Variants in IKZF1 observed in about 807,000 individuals in gnomAD.
The protein encoded by IKZF1 is IKAROS family zinc finger 1, also known as DNA-binding protein Ikaros.
A neutral mutation model predicts 51.7 loss-of-function variants in IKZF1; 10 were observed. The ratio of observed to expected loss-of-function variants is 0.19; its 90% CI spans 0.12 to 0.33. The LOEUF (loss-of-function observed/expected upper bound fraction) is 0.33. Ranked by LOEUF, IKZF1 falls within the 10% of genes least tolerant of loss-of-function variation. IKZF1 has a pLI of 1.00. For synonymous variants in IKZF1, 280 were observed against 282.3 expected, an observed-to-expected ratio of 0.99 and a Z score of 0.08; for missense variants, 484 against 707.5, an observed-to-expected ratio of 0.68 and a Z score of 3.58.
Position 50,319,035 on chromosome 7 carries a change from C to A in IKZF1, c.-14-13C>A. ...TTTTGCTTTAAACTAAAATCCCTTC[C>A]TCTCTTTCTCAGATAACCTGAGGAC... On this transcript the variant is annotated splice_polypyrimidine_tract_variant and intron_variant, in intron 1 of 7. Transcript: ENST00000331340. 1 of 1,595,870 alleles carries A rather than the reference C, an allele frequency of 6.3e-7. No individual in the cohort carries two copies. Among genetic ancestry groups the A allele is most frequent in the Non-Finnish European group, 8.6e-7 (1 of 1,164,580 alleles).
At chr7:50,396,086 G>A (rs551046390) in intron 7 of IKZF1, among the ~76,000 whole-genome samples, 16 of 152,128 alleles carry the variant, frequency 1.1e-4, no homozygotes, top group African/African-American at 3.6e-4. Context: ...CTGCCATTTT[G>A]TCTAGAGAGT....
chr7:50,345,776 G>A lies in IKZF1; in HGVS notation c.160+18019G>A, dbSNP rs986413057. Among the ~76,000 whole-genome samples, 6 of 152,170 alleles carry A rather than the reference G, an allele frequency of 3.9e-5. No homozygotes were observed. The East Asian group carries it at 5.8e-4, about 15-fold the overall frequency. ...CAATTCTGCCTGGTTTGTGGCTCAC[G>A]CCTGTAATCCCAGCACTTTGGGAGG... On this transcript the variant is annotated intron_variant, in intron 3 of 7. Transcript: ENST00000331340.
rs1397280949 is a variant in IKZF1, at chr7:50,319,246, T to G, written c.40+145T>G. 7.6e-5 allele frequency: 44 copies of G among 580,854 alleles called. No individual in the cohort carries two copies. In the Admixed American group the frequency reaches 1.1e-3, roughly 15 times the overall value. 36.0% of individuals were successfully genotyped at this position (580,854 alleles called of 1,614,324 possible). A position where few individuals can be genotyped will look rare whatever the true frequency, so the allele number is the denominator to read the frequency against. On this transcript the variant is annotated intron_variant, in intron 2 of 7. Transcript: ENST00000331340. ...ACCATGATGGAATTTGCCTGAGTGTTTCCTTCACCTGTTACAAATTATCTC... is the reference window on the plus strand; with the variant it reads ...ACCATGATGGAATTTGCCTGAGTGTGTCCTTCACCTGTTACAAATTATCTC...
chr7:50,380,169 A>G (rs1378294558), intron 4 of IKZF1, among the ~76,000 whole-genome samples: 1 of 152,142 alleles, frequency 6.6e-6, no homozygotes, highest in Non-Finnish European at 1.5e-5. Context: ...GCTTGAGTGG[A>G]GTGCTCTGTA....
chr7:50,381,177 G>T (rs1487226280), intron 4 of IKZF1, among the ~76,000 whole-genome samples: 1 of 152,196 alleles, frequency 6.6e-6, no homozygotes, highest in Non-Finnish European at 1.5e-5. Context: ...TAAATCTGGT[G>T]TGGATGTTAA....
chr7:50,372,427 G>A (rs1808986630), intron 3 of IKZF1, among the ~76,000 whole-genome samples: 1 of 152,188 alleles, frequency 6.6e-6, no homozygotes, highest in African/African-American at 2.4e-5. Context: ...TCATAACATG[G>A]CTTAGAAGTT....
chr7:50,356,962 C>T (rs576220625), intron 3 of IKZF1, among the ~76,000 whole-genome samples: 2 of 151,502 alleles, frequency 1.3e-5, no homozygotes, highest in African/African-American at 2.4e-5. Context: ...GTCTCGTGGT[C>T]GCTGGGCTGG....
intron 3 of IKZF1, among the ~76,000 whole-genome samples, chr7:50,342,652 T>C (rs1358301461): frequency 6.6e-6 from 1 of 151,022 alleles, no homozygotes; most frequent in African/African-American, 2.5e-5. Flanking sequence ...AAAGGCTTTT[T>C]TTTTTTTTTT....
rs555206872 is a variant in IKZF1, at chr7:50,387,456, G to T, written c.701G>T (p.Gly234Val). The T allele has an allele frequency of 3.1e-6, 5 of 1,610,652 alleles. No homozygotes were observed. In the East Asian group the frequency reaches 1.1e-4, roughly 36 times the overall value. Residue 234 changes from glycine to valine, a missense_variant, in exon 6 of 8, where the codon GGC becomes GTC. Gly to Val is a moderately radical substitution (Grantham distance 109). Transcript: ENST00000331340. Reference protein sequence around the residue: ...HNYLESMGLPGTLYPVIKEET... With the variant: ...HNYLESMGLPVTLYPVIKEET... ...TACTTGGAAAGCATGGGCCTTCCGGGCACACTGTACCCAGGTAAGCGCTGC... is the reference window on the plus strand; with the variant it reads ...TACTTGGAAAGCATGGGCCTTCCGGTCACACTGTACCCAGGTAAGCGCTGC...
chr7:50,384,775 A>G (rs545519886), intron 5 of IKZF1, among the ~76,000 whole-genome samples: 1 of 152,250 alleles, frequency 6.6e-6, no homozygotes, highest in Non-Finnish European at 1.5e-5. Flanking sequence ...CCATGTAGAC[A>G]TAGACACAGT....
Position 50,376,837 on chromosome 7 carries a change from G to T in IKZF1, c.421+44G>T, listed in dbSNP as rs1362586624. 3 of 1,604,468 alleles carry T rather than the reference G, an allele frequency of 1.9e-6. No individual in the cohort carries two copies. ...TTTCCTTTAGTGGCCTGGAGAAGGT[G>T]CATGGGGTTTGAAGGAGGAAAGCAT... On this transcript the variant is annotated intron_variant, in intron 4 of 7. Coordinates refer to ENST00000331340, the MANE Select transcript of IKZF1 (RefSeq NM_006060.6). The surrounding 1 kb of genome is among the most constrained non-coding windows in gnomAD (Gnocchi z 4.5).
intron 1 of IKZF1, among the ~76,000 whole-genome samples, chr7:50,305,213 A>G (rs1239648291): frequency 2.0e-5 from 3 of 152,228 alleles, no homozygotes; most frequent in Non-Finnish European, 2.9e-5. Context: ...GTAGACCTAC[A>G]TATACCCACG....
chr7:50,353,609 G>T (rs1802443460), intron 3 of IKZF1, among the ~76,000 whole-genome samples: 1 of 152,212 alleles, frequency 6.6e-6, no homozygotes, highest in South Asian at 2.1e-4. Flanking sequence ...GCTTCCAGGT[G>T]AGCTCAGGTG....
intron 3 of IKZF1, among the ~76,000 whole-genome samples, chr7:50,374,792 A>G (rs1809751429): frequency 1.3e-5 from 2 of 152,220 alleles, no homozygotes; most frequent in Admixed American, 1.3e-4. Context: ...CTAAGATCTC[A>G]GTGCTTTTAA....
intron 3 of IKZF1, chr7:50,368,001 T>C: frequency 1.5e-6 from 1 of 685,314 alleles, no homozygotes; most frequent in Non-Finnish European, 2.7e-6. Context: ...CCTTCTTTAT[T>C]GCAGTTACAT....
chr7:50,317,265 C>T (rs1045922968), intron 1 of IKZF1, among the ~76,000 whole-genome samples: 42 of 152,164 alleles, frequency 2.8e-4, no homozygotes, highest in African/African-American at 9.9e-4. Flanking sequence ...ATTTAAGACC[C>T]GGTGTGTGAT....
At chr7:50,317,356 G>A (rs1791855803) in intron 1 of IKZF1, among the ~76,000 whole-genome samples, 1 of 152,208 alleles carries the variant, frequency 6.6e-6, no homozygotes, top group African/African-American at 2.4e-5. Flanking sequence ...TGGCACGGCT[G>A]TTACAAAGAT....
At chr7:50,368,442 A>G in intron 3 of IKZF1, 1 of 612,624 alleles carries the variant, frequency 1.6e-6, no homozygotes, top group Non-Finnish European at 2.9e-6. Flanking sequence ...CATGGTTTCA[A>G]GATAATTTTT....
chr7:50,352,047 T>G (rs1269084411), intron 3 of IKZF1, among the ~76,000 whole-genome samples: 1 of 152,260 alleles, frequency 6.6e-6, no homozygotes, highest in African/African-American at 2.4e-5. Flanking sequence ...ATTAGTTTTC[T>G]TATTCATTCC....
Sources: allele counts gnomAD v4.1 joint callset (sites outside exome capture counted in the v4.1 genomes callset), GRCh38; gene constraint gnomAD v4.1.1; non-coding constraint Gnocchi (gnomAD v3.1); transcripts MANE v1.5; gene names NCBI Gene and HGNC (gene_info 2026-07-23, HGNC 2026-07-21).